WDR49: variants seen among roughly 807,000 people sequenced by gnomAD.
WDR49 encodes the protein cilia- and flagella-associated protein 337.
A neutral mutation model predicts 119.5 loss-of-function variants in WDR49; 107 were observed. The observed-to-expected ratio is 0.90, with a 90% CI of 0.77 to 1.05. The LOEUF is 1.05. Among genes scored for constraint, WDR49 ranks in the 50% least tolerant of loss-of-function variants. The pLI, the probability that WDR49 is intolerant of heterozygous loss-of-function variation, is 0.00. For missense variants in WDR49, 1,240 were observed against 1,220.5 expected (o/e 1.02, Z -0.24); for synonymous variants, 425 against 418.8 (o/e 1.01, Z -0.18).
At chr3:167,567,829 G>A (rs1713694767) in intron 8 of WDR49, among the ~76,000 whole-genome samples, 4 of 152,126 alleles carry the variant, frequency 2.6e-5, no homozygotes, top group African/African-American at 9.7e-5. Flanking sequence ...GTCTCTTACT[G>A]GTAAGGTGCT....
At chr3:167,534,085 C>T (rs75833343) in intron 11 of WDR49, among the ~76,000 whole-genome samples, 2 of 151,754 alleles carry the variant, frequency 1.3e-5, no homozygotes. Flanking sequence ...ATCCCAGCTA[C>T]TAGGGAGGCT....
intron 18 of WDR49, among the ~76,000 whole-genome samples, chr3:167,487,163 A>G (rs1750954686): frequency 6.6e-6 from 1 of 152,110 alleles, no homozygotes; most frequent in South Asian, 2.1e-4. Flanking sequence ...ACAGCATGGT[A>G]CTGACACAAA....
intron 16 of WDR49, among the ~76,000 whole-genome samples, chr3:167,514,795 T>C (rs1400249228): frequency 6.6e-6 from 1 of 151,740 alleles, no homozygotes; most frequent in South Asian, 2.1e-4. Flanking sequence ...TAAAAAAAGA[T>C]AAAAGGGATA....
intron 7 of WDR49, among the ~76,000 whole-genome samples, chr3:167,591,262 A>G (rs1375684196): frequency 6.6e-6 from 1 of 152,128 alleles, no homozygotes; most frequent in Non-Finnish European, 1.5e-5. Flanking sequence ...CCTTGTGATT[A>G]GAGAAGATGC....
chr3:167,551,354 G>A (rs1712558650), intron 10 of WDR49, among the ~76,000 whole-genome samples: 1 of 152,004 alleles, frequency 6.6e-6, no homozygotes, highest in Admixed American at 6.6e-5. Context: ...AAAAAAGAGA[G>A]TAAGCTATAT....
chr3:167,559,527 TA>T (rs1021670977), intron 9 of WDR49, among the ~76,000 whole-genome samples: 15 of 152,318 alleles, frequency 9.8e-5, no homozygotes, highest in African/African-American at 3.6e-4. Context: ...CTTAGAAATA[TA>T]AAATCATGTA....
At chr3:167,546,225 C>T (rs775608243) in intron 10 of WDR49, among the ~76,000 whole-genome samples, 3 of 151,858 alleles carry the variant, frequency 2.0e-5, no homozygotes, top group Non-Finnish European at 4.4e-5. Flanking sequence ...ACCAAAAGCA[C>T]AAAATCTTTC....
intron 7 of WDR49, among the ~76,000 whole-genome samples, chr3:167,580,018 T>TG (rs1714453564): frequency 6.6e-6 from 1 of 152,148 alleles, no homozygotes; most frequent in South Asian, 2.1e-4. Flanking sequence ...TTAAGTAATT[T>TG]ATATTGGATT....
At chr3:167,575,864 G>A (rs1443514749) in intron 8 of WDR49, 54 bp downstream of exon 8, 3 of 1,549,244 alleles carry the variant, frequency 1.9e-6, no homozygotes, top group Non-Finnish European at 2.7e-6. Flanking sequence ...AAGTAAATGA[G>A]CCTCTGGACT....
At chr3:167,592,238 G>A (rs899910708) in intron 7 of WDR49, among the ~76,000 whole-genome samples, 8 of 151,910 alleles carry the variant, frequency 5.3e-5, no homozygotes, top group African/African-American at 1.7e-4. Flanking sequence ...ACTTTCTGTT[G>A]TTTCTATTTA....
intron 7 of WDR49, among the ~76,000 whole-genome samples, chr3:167,578,524 A>G (rs766100254): frequency 2.0e-5 from 3 of 152,024 alleles, no homozygotes; most frequent in African/African-American, 4.8e-5. Flanking sequence ...AAAATTACTA[A>G]TACTCCTTTT....
At chr3:167,501,942 C>T (rs1441677935) in intron 17 of WDR49, among the ~76,000 whole-genome samples, 5 of 152,114 alleles carry the variant, frequency 3.3e-5, no homozygotes, top group African/African-American at 9.7e-5. Flanking sequence ...TATTTTCTGA[C>T]TAATATAGTA....
At chr3:167,518,182 C>T (rs1274896387) in intron 16 of WDR49, among the ~76,000 whole-genome samples, 14 of 151,480 alleles carry the variant, frequency 9.2e-5, no homozygotes, top group South Asian at 4.2e-4. Flanking sequence ...TGAATAATGC[C>T]GCAATAAACA....
At chr3:167,655,405 A>G (rs1718567943), upstream of WDR49, among the ~76,000 whole-genome samples, 1 of 152,182 alleles carries the variant, frequency 6.6e-6, no homozygotes, top group Non-Finnish European at 1.5e-5. Flanking sequence ...TGTAAACTAA[A>G]AAGTTGGCAT....
rs1304340697 is a variant in WDR49, at chr3:167,653,412, T to C, written c.14A>G (p.Lys5Arg). ...CCCTATGTTTAACTCAAGTACAGCT[T>C]TCTGGCAACTCATAATGGCTTCACC... The part of the protein sequence containing the change: MSCQ[K>R]AVLELNIGSQ... The change falls in exon 2 of 19, where the codon AAA (lysine) becomes AGA (arginine). Residue 5 changes from lysine (K) to arginine (R), a missense_variant. Lys to Arg is a conservative substitution (Grantham distance 26). Coordinates refer to ENST00000682715, the MANE Select transcript of WDR49 (RefSeq NM_001366157.1). 1.3e-6 allele frequency: 2 copies of C among 1,523,212 alleles called. No homozygotes were observed. The highest frequency in any genetic ancestry group is 1.8e-6 in the Non-Finnish European group (2 of 1,141,804). 94.4% of individuals were successfully genotyped at this position (1,523,212 alleles called of 1,614,324 possible).
intron 7 of WDR49, among the ~76,000 whole-genome samples, chr3:167,587,817 T>A (rs956740607): frequency 9.9e-5 from 15 of 152,058 alleles, no homozygotes; most frequent in African/African-American, 3.4e-4. Flanking sequence ...TTTTTTTATT[T>A]TGGTGGGTAC....
intron 18 of WDR49, among the ~76,000 whole-genome samples, chr3:167,482,232 A>T (rs367720935): frequency 2.0e-4 from 31 of 152,320 alleles, no homozygotes; most frequent in East Asian, 1.7e-3. Flanking sequence ...CAATGCCTAC[A>T]AGATAATCAG....
At chr3:167,578,128 T>C (rs1714343480) in intron 7 of WDR49, among the ~76,000 whole-genome samples, 1 of 152,118 alleles carries the variant, frequency 6.6e-6, no homozygotes, top group African/African-American at 2.4e-5. Context: ...GGTTAAATGA[T>C]CCCAATTCTT....
At chr3:167,505,752 T>C (rs531645768) in intron 16 of WDR49, among the ~76,000 whole-genome samples, 2 of 152,314 alleles carry the variant, frequency 1.3e-5, no homozygotes, top group East Asian at 1.9e-4. Flanking sequence ...TAATAAATTA[T>C]ATAATGAGAA....
Sources: allele counts gnomAD v4.1 joint callset (sites outside exome capture counted in the v4.1 genomes callset), GRCh38; gene constraint gnomAD v4.1.1; transcripts MANE v1.5; gene names NCBI Gene and HGNC (gene_info 2026-07-23, HGNC 2026-07-21).